The following ODR4 variants were observed in gnomAD, a reference collection of about 807,000 sequenced individuals.
ODR4 encodes odr-4 GPCR localization factor homolog.
ODR4 carries 47 observed loss-of-function variants against 60.2 expected under a neutral mutation model. That is an observed-to-expected ratio of 0.78 (90% confidence interval 0.62 to 1.00). ODR4 has a LOEUF of 1.00. Ranked by LOEUF, ODR4 falls within the 50% of genes least tolerant of loss-of-function variation. The pLI is 0.00. For synonymous variants in ODR4, 178 were observed against 175.5 expected, an observed-to-expected ratio of 1.01 and a Z score of -0.11; for missense variants, 488 against 530.8, an observed-to-expected ratio of 0.92 and a Z score of 0.79.
the ODR4 span, among the ~76,000 whole-genome samples, chr1:186,433,963 G>A: frequency 1.1e-4 from 17 of 152,082 alleles, no homozygotes; most frequent in South Asian, 1.0e-3. Flanking sequence ...TTTTTGTTAC[G>A]CGATCTAGCA....
rs1280477347 is a variant in ODR4 at position 186,420,251 on chromosome 1, GTT to G, written c.*1177_*1178del. On this transcript the variant is annotated 3_prime_UTR_variant, in exon 14 of 14. Coordinates refer to ENST00000287859, the MANE Select transcript of ODR4 (RefSeq NM_017847.6). ...ACCAATAGCAACATTGTCATATGCA[GTT>G]TGCCTCAAATCAGAAACAAGAAGAC... 1 of 152,198 alleles carries G rather than the reference GTT, an allele frequency of 6.6e-6. No individual in the cohort carries two copies. Among genetic ancestry groups the G allele is most frequent in the Non-Finnish European group, 1.5e-5 (1 of 68,050 alleles). 9.4% of individuals were successfully genotyped at this position (152,198 alleles called of 1,614,324 possible). A position where few individuals can be genotyped will look rare whatever the true frequency, so the allele number is the denominator to read the frequency against.
intron 12 of ODR4, among the ~76,000 whole-genome samples, chr1:186,410,816 G>C (rs935072985): frequency 6.6e-6 from 1 of 150,714 alleles, no homozygotes; most frequent in African/African-American, 2.5e-5. Context: ...GGGAGTTCAA[G>C]ACCAGCCTGA....
chr1:186,406,451 G>C (rs991284688), intron 12 of ODR4, among the ~76,000 whole-genome samples, 183 bp downstream of exon 12: 1 of 152,048 alleles, frequency 6.6e-6, no homozygotes, highest in South Asian at 2.1e-4. Context: ...GACATACAGT[G>C]AGTATTTCCT....
In ODR4 at chr1:186,378,055, A is replaced by AC. The variant is rs564541101; in HGVS notation, c.-19-1712_-19-1711insC. 2.4e-3 allele frequency among the ~76,000 whole-genome samples: 361 copies of AC among 151,916 alleles called. 3 individuals carry two copies. The highest frequency in any genetic ancestry group is 3.5e-3 in the Non-Finnish European group (238 of 67,944). On this transcript the variant is annotated intron_variant, in intron 1 of 13. Transcript: ENST00000287859. ...GCAAGACTCCATCTCAAAAAACAAA[A>AC]AAAAAAAAGAGCCAGGAAGAAATTA...
chr1:186,431,382 T>C, the ODR4 span, among the ~76,000 whole-genome samples: 1 of 152,184 alleles, frequency 6.6e-6, no homozygotes, highest in African/African-American at 2.4e-5. Context: ...TGTGTATTTT[T>C]CCCCCAGCAA....
chr1:186,428,702 CAT>C, the ODR4 span, among the ~76,000 whole-genome samples: 1 of 152,148 alleles, frequency 6.6e-6, no homozygotes, highest in Non-Finnish European at 1.5e-5. Flanking sequence ...AAGTGAGAGA[CAT>C]ATACCTCTTT....
intron 12 of ODR4, among the ~76,000 whole-genome samples, chr1:186,409,401 A>G (rs148524300): frequency 1.3e-5 from 2 of 152,368 alleles, no homozygotes; most frequent in Non-Finnish European, 2.9e-5. Context: ...TTGTGTTTCT[A>G]GCACTTTACT....
At chr1:186,425,217 C>T (rs57478713), downstream of ODR4, among the ~76,000 whole-genome samples, 900 of 152,198 alleles carry the variant, frequency 5.9e-3, 11 homozygotes, top group African/African-American at 0.021. Flanking sequence ...TATGAGGCAC[C>T]TTTACTACAG....
At chr1:186,404,425 T>G (rs1437156587) in intron 11 of ODR4, among the ~76,000 whole-genome samples, 4 of 152,236 alleles carry the variant, frequency 2.6e-5, no homozygotes, top group Non-Finnish European at 5.9e-5. Flanking sequence ...GCTTGTTATT[T>G]TTCAGATAGA....
intron 3 of ODR4, 59 bp downstream of exon 3, chr1:186,383,215 A>T (rs4651309): frequency 0.32 from 481,068 of 1,492,164 alleles, 80,419 homozygotes; most frequent in Admixed American, 0.4. Flanking sequence ...GCTAGAATCA[A>T]GAAGATTTAG....
intron 4 of ODR4, among the ~76,000 whole-genome samples, 185 bp downstream of exon 4, chr1:186,386,268 A>G (rs568377864): frequency 5.9e-5 from 9 of 152,122 alleles, no homozygotes; most frequent in Non-Finnish European, 1.0e-4. Flanking sequence ...AAATGTTTAT[A>G]TTTTTAAAAA....
intron 12 of ODR4, among the ~76,000 whole-genome samples, chr1:186,409,880 A>G (rs564677543): frequency 1.3e-5 from 2 of 152,110 alleles, no homozygotes; most frequent in East Asian, 3.9e-4. Flanking sequence ...TGTAGATACT[A>G]TGTTTTTACT....
the ODR4 span, among the ~76,000 whole-genome samples, chr1:186,429,943 A>G: frequency 6.6e-6 from 1 of 152,154 alleles, no homozygotes; most frequent in Non-Finnish European, 1.5e-5. Context: ...TTAATATGTT[A>G]ATAGGTATTG....
Position 186,406,105 on chromosome 1 carries a change from C to T in ODR4, c.1023C>T (p.Val341=), listed in dbSNP as rs771351962. The change falls in exon 12 of 14, where the codon GTC becomes GTT. Residue 341 remains valine, a synonymous_variant. Transcript: ENST00000287859. ...EKKDSEKEFH[V]LPYRVFVPLP... ...TAGATTCTGAAAAAGAGTTCCACGT[C>T]CTCCCTTATCGAGTCTTTGTTCCCC... 3 of 1,574,748 alleles carry T rather than the reference C, an allele frequency of 1.9e-6. No individual in the cohort carries two copies. Among genetic ancestry groups the T allele is most frequent in the Non-Finnish European group, 2.6e-6 (3 of 1,162,496 alleles).
intron 11 of ODR4, among the ~76,000 whole-genome samples, chr1:186,403,333 A>G (rs886550117): frequency 5.3e-5 from 8 of 152,030 alleles, no homozygotes; most frequent in South Asian, 2.1e-4. Flanking sequence ...ATCATGTGAT[A>G]TAAAATAATC....
intron 10 of ODR4, 58 bp from the exon 11 acceptor site, chr1:186,398,896 A>G: frequency 2.4e-6 from 3 of 1,250,710 alleles, no homozygotes; most frequent in Non-Finnish European, 3.3e-6. Flanking sequence ...TTAGTTAAAT[A>G]TTGTAAATCT....
intron 1 of ODR4, among the ~76,000 whole-genome samples, chr1:186,377,155 TAA>T (rs1659811259): frequency 6.6e-6 from 1 of 152,178 alleles, no homozygotes; most frequent in African/African-American, 2.4e-5. Context: ...TAATACAATG[TAA>T]ATGCTATAGT....
intron 4 of ODR4, among the ~76,000 whole-genome samples, chr1:186,386,516 T>C (rs1414547472): frequency 3.9e-5 from 6 of 152,118 alleles, no homozygotes; most frequent in Admixed American, 3.9e-4. Flanking sequence ...AAAATTCAAA[T>C]GATTAATTAT....
At chr1:186,410,043 G>T (rs927877493) in intron 12 of ODR4, among the ~76,000 whole-genome samples, 5 of 152,154 alleles carry the variant, frequency 3.3e-5, no homozygotes, top group African/African-American at 1.2e-4. Flanking sequence ...TAGACTATAA[G>T]ATTTTTGAGA....
Sources: gnomAD v4.1 joint callset for allele counts (sites outside exome capture counted in the v4.1 genomes callset) on GRCh38, gnomAD v4.1.1 for gene constraint, MANE v1.5 for transcripts, NCBI Gene and HGNC (gene_info 2026-07-23, HGNC 2026-07-21) for gene names.